Variants in PHACTR4 observed in about 807,000 individuals in gnomAD.
The protein encoded by PHACTR4 is phosphatase and actin regulator 4.
Under a neutral mutation model 72.7 loss-of-function variants are expected in PHACTR4, and 51 were observed. That is an observed-to-expected ratio of 0.70 (90% CI 0.56 to 0.89). The LOEUF (loss-of-function observed/expected upper bound fraction) is 0.89. Among genes scored for constraint, PHACTR4 ranks in the 40% least tolerant of loss-of-function variants. PHACTR4 has a pLI of 0.00. For missense variants in PHACTR4, 731 were observed against 861.8 expected (o/e 0.85, Z 1.90); for synonymous variants, 255 against 302.5 (o/e 0.84, Z 1.63).
chr1:28,427,397 G>A (rs753050039), intron 2 of PHACTR4, among the ~76,000 whole-genome samples: 11 of 152,082 alleles, frequency 7.2e-5, no homozygotes, highest in Admixed American at 5.2e-4. Flanking sequence ...ATGGTGGTGC[G>A]CACCTGTAAT....
At chr1:28,466,353 C>CT in intron 5 of PHACTR4, 29 bp from the exon 6 acceptor site, 1 of 1,579,206 alleles carries the variant, frequency 6.3e-7, no homozygotes, top group Admixed American at 1.8e-5. Flanking sequence ...TCTCTCTTCC[C>CT]TTTTTATACC....
Position 28,385,617 on chromosome 1 carries a change from T to A in PHACTR4, c.-39+15792T>A, listed in dbSNP as rs1181090640. ...GTAATTGTATGGTTTTAAGTGAATTTTTTTTTTTTTTTTTTTGGAGACGGA... is the reference window on the plus strand; with the variant it reads ...GTAATTGTATGGTTTTAAGTGAATTATTTTTTTTTTTTTTTTGGAGACGGA... On this transcript the variant is annotated intron_variant, in intron 1 of 13. Transcript: ENST00000373839. Among the ~76,000 whole-genome samples the A allele has an allele frequency of 7.2e-4, 106 of 146,854 alleles. 3 individuals are homozygous for A. The highest frequency in any genetic ancestry group is 1.3e-3 in the African/African-American group (51 of 39,862).
chr1:28,389,393 G>T (rs1442196713), intron 1 of PHACTR4, among the ~76,000 whole-genome samples: 1 of 147,612 alleles, frequency 6.8e-6, no homozygotes, highest in Admixed American at 6.7e-5. Context: ...AAAATTAAAA[G>T]AAAAAAAATA....
intron 2 of PHACTR4, among the ~76,000 whole-genome samples, chr1:28,408,122 A>G (rs1450142678): frequency 6.6e-6 from 1 of 152,272 alleles, no homozygotes; most frequent in Non-Finnish European, 1.5e-5. Flanking sequence ...TCTGTCTCAA[A>G]AAAAGAAAAA....
Position 28,465,819 on chromosome 1 carries a change from A to G in PHACTR4, c.406A>G (p.Ile136Val). The G allele has an allele frequency of 6.2e-7, 1 of 1,611,942 alleles. No homozygotes were observed. The highest frequency in any genetic ancestry group is 8.5e-7 in the Non-Finnish European group (1 of 1,179,100). Residue 136 changes from isoleucine (I) to valine (V), a missense_variant, in exon 5 of 14, where the codon ATT (isoleucine) becomes GTT (valine). Transcript: ENST00000373839. ...PVRLASLRKA[I>V]PEEDLKKRLG... ...AAGATTAGCAAGTCTTAGGAAAGCT[A>G]TTCCAGAAGAGGACCTAAAGAAACG...
intron 1 of PHACTR4, among the ~76,000 whole-genome samples, chr1:28,371,278 A>G (rs960746522): frequency 5.9e-5 from 9 of 151,856 alleles, no homozygotes; most frequent in African/African-American, 2.2e-4. Context: ...GTGCCCGACT[A>G]TTTAATTTAA....
intron 9 of PHACTR4, among the ~76,000 whole-genome samples, chr1:28,487,479 A>G (rs1000048504): frequency 6.8e-6 from 1 of 146,022 alleles, no homozygotes; most frequent in Non-Finnish European, 1.5e-5. Context: ...GCACCACTGC[A>G]CTCTAGCCTG....
chr1:28,496,443 A>C, intron 13 of PHACTR4, 91 bp from the exon 14 acceptor site: 1 of 1,392,680 alleles, frequency 7.2e-7, no homozygotes, highest in South Asian at 1.2e-5. Flanking sequence ...AGGCAGTGTT[A>C]ATTAGGTATA....
chr1:28,479,906 C>G (rs534406299), intron 8 of PHACTR4, among the ~76,000 whole-genome samples: 50 of 152,142 alleles, frequency 3.3e-4, no homozygotes, highest in Middle Eastern at 3.4e-3. Context: ...AACAAACAAA[C>G]AAACAAAAAA....
chr1:28,376,195 C>T (rs891257766), intron 1 of PHACTR4, among the ~76,000 whole-genome samples: 29 of 151,528 alleles, frequency 1.9e-4, no homozygotes, highest in Middle Eastern at 3.2e-3. Flanking sequence ...CTGCTGTGGT[C>T]CCAGCTACTC....
At chr1:28,405,265 C>T (rs1026349244) in intron 1 of PHACTR4, among the ~76,000 whole-genome samples, 1 of 152,048 alleles carries the variant, frequency 6.6e-6, no homozygotes, top group African/African-American at 2.4e-5. Context: ...AATTTTCTCC[C>T]ATTCTGTGGG....
intron 1 of PHACTR4, among the ~76,000 whole-genome samples, chr1:28,377,122 G>T (rs1251355841): frequency 6.6e-6 from 1 of 151,648 alleles, no homozygotes; most frequent in African/African-American, 2.4e-5. Context: ...TAGAGACAGG[G>T]TTTCGCCATG....
intron 2 of PHACTR4, among the ~76,000 whole-genome samples, chr1:28,455,198 C>CTTT (rs139479738): frequency 1.6e-4 from 14 of 85,958 alleles, no homozygotes; most frequent in African/African-American, 3.4e-4. Context: ...TTCTTTCTTT[C>CTTT]TTTTTTTTTT....
chr1:28,422,699 G>C (rs1655582766), intron 2 of PHACTR4: 1 of 152,248 alleles, frequency 6.6e-6, no homozygotes, highest in South Asian at 2.1e-4. Context: ...CAGTTTAGTG[G>C]CGATTTCTTT....
At chr1:28,456,740 A>G (rs1354017952) in intron 2 of PHACTR4, among the ~76,000 whole-genome samples, 3 of 152,030 alleles carry the variant, frequency 2.0e-5, no homozygotes, top group African/African-American at 4.8e-5. Context: ...AATCTGAGAC[A>G]TTCTCATAAT....
intron 2 of PHACTR4, among the ~76,000 whole-genome samples, chr1:28,418,236 G>T (rs1041362590): frequency 1.3e-5 from 2 of 151,990 alleles, no homozygotes; most frequent in Non-Finnish European, 2.9e-5. Context: ...GCCAAGGCAG[G>T]CAGATCACAT....
intron 2 of PHACTR4, among the ~76,000 whole-genome samples, chr1:28,448,149 T>C (rs1010618929): frequency 1.1e-4 from 16 of 152,300 alleles, no homozygotes; most frequent in African/African-American, 3.8e-4. Flanking sequence ...TAAACCATTA[T>C]ATTATGAAGA....
At chr1:28,378,127 GCA>G (rs1651835515) in intron 1 of PHACTR4, among the ~76,000 whole-genome samples, 5 of 148,606 alleles carry the variant, frequency 3.4e-5, no homozygotes, top group Middle Eastern at 3.5e-3. Flanking sequence ...AACCTGGGAG[GCA>G]CGGCTTGCAG....
intron 10 of PHACTR4, 54 bp downstream of exon 10, chr1:28,489,279 C>A: frequency 6.9e-7 from 1 of 1,450,064 alleles, no homozygotes; most frequent in Non-Finnish European, 9.6e-7. Flanking sequence ...ATGTTTCTGA[C>A]TTTAATATAC....
Sources: gnomAD v4.1 joint callset for allele counts (sites outside exome capture counted in the v4.1 genomes callset) on GRCh38, gnomAD v4.1.1 for gene constraint, MANE v1.5 for transcripts, NCBI Gene and HGNC (gene_info 2026-07-23, HGNC 2026-07-21) for gene names.